CPXM2: variants seen among roughly 807,000 people sequenced by gnomAD.
CPXM2 encodes the protein carboxypeptidase X, M14 family member 2.
Under a neutral mutation model 86.1 loss-of-function variants are expected in CPXM2, and 66 were observed. The observed-to-expected ratio is 0.77, with a 90% CI of 0.63 to 0.94. The LOEUF (loss-of-function observed/expected upper bound fraction) is 0.94. CPXM2 is among the 40% of genes least tolerant of loss of function. The pLI, the probability that CPXM2 is intolerant of heterozygous loss-of-function variation, is 0.00. For synonymous variants in CPXM2, 388 were observed against 400.2 expected (o/e 0.97, Z 0.36); for missense variants, 948 against 1,026.3 (o/e 0.92, Z 1.04).
At chr10:123,747,290 T>C (rs1156352922) in intron 13 of CPXM2, among the ~76,000 whole-genome samples, 1 of 152,238 alleles carries the variant, frequency 6.6e-6, no homozygotes, top group Admixed American at 6.5e-5. Flanking sequence ...CGATCACTAA[T>C]GCTCTGTGAC....
chr10:123,750,063 C>T, intron 13 of CPXM2: 1 of 968,316 alleles, frequency 1.0e-6, no homozygotes, highest in Non-Finnish European at 1.2e-6. Flanking sequence ...CATGATCTGC[C>T]TGCCTTGGCC....
chr10:123,811,131 ATT>A (rs371020084), intron 4 of CPXM2, among the ~76,000 whole-genome samples: 52 of 102,884 alleles, frequency 5.1e-4, no homozygotes, highest in African/African-American at 1.5e-3. Context: ...TCACAAAATC[ATT>A]TTTTTTTTTC....
At chr10:123,880,420 C>T (rs1945064029) in intron 1 of CPXM2, 111 bp from the exon 2 acceptor site, 4 of 658,730 alleles carry the variant, frequency 6.1e-6, no homozygotes, top group Non-Finnish European at 1.1e-5. Context: ...CTTCTGCTCC[C>T]CTGTCCCTAA....
chr10:123,895,796 C>T (rs1372009834), upstream of CPXM2, among the ~76,000 whole-genome samples: 1 of 152,156 alleles, frequency 6.6e-6, no homozygotes, highest in Non-Finnish European at 1.5e-5. Context: ...AACTGGGAAA[C>T]CAAAGTGGCA....
intron 11 of CPXM2, among the ~76,000 whole-genome samples, chr10:123,757,770 T>C (rs1306500768): frequency 6.6e-6 from 1 of 152,196 alleles, no homozygotes; most frequent in Non-Finnish European, 1.5e-5. Flanking sequence ...TCTATGACAG[T>C]CTTCTATTTT....
At chr10:123,760,418 T>C (rs1454610537) in intron 11 of CPXM2, among the ~76,000 whole-genome samples, 1 of 152,168 alleles carries the variant, frequency 6.6e-6, no homozygotes, top group Non-Finnish European at 1.5e-5. Flanking sequence ...TGGATTTAGA[T>C]AAAATGCCTC....
chr10:123,826,733 C>A (rs978249183), intron 4 of CPXM2, among the ~76,000 whole-genome samples: 1 of 151,962 alleles, frequency 6.6e-6, no homozygotes, highest in African/African-American at 2.4e-5. Context: ...AAGTTGAAAT[C>A]GACTTACGGA....
At chr10:123,830,244 A>G (rs907717718) in intron 4 of CPXM2, among the ~76,000 whole-genome samples, 9 of 152,186 alleles carry the variant, frequency 5.9e-5, no homozygotes, top group Non-Finnish European at 1.2e-4. Context: ...GAGTAGCTCA[A>G]ATCACAGTCA....
At chr10:123,925,351 A>G (rs1271125583) in intron 2 of CPXM2, among the ~76,000 whole-genome samples, 1 of 151,708 alleles carries the variant, frequency 6.6e-6, no homozygotes, top group African/African-American at 2.4e-5. Context: ...ATTATTAGAA[A>G]GAATCTCACA....
Position 123,761,975 on chromosome 10 carries a change from T to C in CPXM2, c.1674A>G (p.Thr558=). The C allele has an allele frequency of 5.0e-6, 8 of 1,613,604 alleles. No individual in the cohort carries two copies. Among genetic ancestry groups the C allele is most frequent in the Admixed American group, 1.7e-5 (1 of 59,984 alleles). ...TCCGGGCGTCTGTCATGAGGCGGTG[T>C]GTGGAGGCATAGGAGTAGGCCAGCC... ...FRWLAYSYAS[T]HRLMTDARRR... is the part of the protein sequence containing the mutation. The change falls in exon 11 of 14, where the codon ACA becomes ACG. Residue 558 remains threonine, a synonymous_variant. Coordinates refer to ENST00000241305, the MANE Select transcript of CPXM2 (RefSeq NM_198148.3).
At chr10:123,913,833 C>T (rs768574271) in intron 2 of CPXM2, 39 of 347,456 alleles carry the variant, frequency 1.1e-4, no homozygotes, top group Middle Eastern at 1.1e-3. Context: ...GCTGTTTAAC[C>T]GGATCTGTGG....
chr10:123,868,009 A>G (rs907694716), intron 2 of CPXM2, among the ~76,000 whole-genome samples: 1 of 152,192 alleles, frequency 6.6e-6, no homozygotes, highest in Non-Finnish European at 1.5e-5. Flanking sequence ...GGTCTGGGGA[A>G]TCTTAAACCT....
chr10:123,837,543 G>A (rs1848305073), intron 4 of CPXM2, among the ~76,000 whole-genome samples: 1 of 152,088 alleles, frequency 6.6e-6, no homozygotes, highest in Non-Finnish European at 1.5e-5. Context: ...CATCACATTG[G>A]TTATAATGGT....
chr10:123,806,412 G>C (rs1377243665), intron 4 of CPXM2, among the ~76,000 whole-genome samples: 3 of 152,134 alleles, frequency 2.0e-5, no homozygotes, highest in African/African-American at 7.2e-5. Flanking sequence ...AGCCATTTTA[G>C]CTTGAATCCA....
chr10:123,918,221 A>G (rs1945550431), intron 2 of CPXM2, among the ~76,000 whole-genome samples: 1 of 152,266 alleles, frequency 6.6e-6, no homozygotes. Context: ...TAATGAAAAC[A>G]AATAGAAATG....
At chr10:123,835,849 C>T (rs76080428) in intron 4 of CPXM2, among the ~76,000 whole-genome samples, 1,584 of 152,246 alleles carry the variant, frequency 0.01, 34 homozygotes, top group African/African-American at 0.035. Flanking sequence ...ACACAGAGGC[C>T]GGGACGATGC....
chr10:123,921,974 T>C (rs1180625497), intron 2 of CPXM2, among the ~76,000 whole-genome samples: 1 of 152,198 alleles, frequency 6.6e-6, no homozygotes, highest in Non-Finnish European at 1.5e-5. Flanking sequence ...CTCCCCATGT[T>C]TCCCTGCACA....
chr10:123,787,820 A>T (rs1239046245), intron 6 of CPXM2, among the ~76,000 whole-genome samples: 1 of 152,050 alleles, frequency 6.6e-6, no homozygotes, highest in Non-Finnish European at 1.5e-5. Context: ...AGACCGGCAG[A>T]CCCATAGGGA....
intron 5 of CPXM2, among the ~76,000 whole-genome samples, chr10:123,798,591 G>A (rs1294023901): frequency 6.6e-6 from 1 of 152,214 alleles, no homozygotes; most frequent in Non-Finnish European, 1.5e-5. Flanking sequence ...CAAGGACACA[G>A]GACTGTGTGT....
Sources: allele counts gnomAD v4.1 joint callset (sites outside exome capture counted in the v4.1 genomes callset), GRCh38; gene constraint gnomAD v4.1.1; transcripts MANE v1.5; gene names NCBI Gene and HGNC (gene_info 2026-07-23, HGNC 2026-07-21).